The following CPEB2 variants were observed in gnomAD, a reference collection of about 807,000 sequenced individuals.
CPEB2 encodes cytoplasmic polyadenylation element-binding protein 2.
CPEB2 carries 56 observed loss-of-function variants against 93.6 expected under a neutral mutation model. That is an observed-to-expected ratio of 0.60 (90% CI 0.48 to 0.75). The LOEUF (loss-of-function observed/expected upper bound fraction) is 0.75. Ranked by LOEUF, CPEB2 falls within the 30% of genes least tolerant of loss-of-function variation. The pLI is 0.00. For synonymous variants in CPEB2, 764 were observed against 586.3 expected (o/e 1.30, Z -4.38); for missense variants, 1,579 against 1,395.1 (o/e 1.13, Z -2.10).
chr4:15,019,948 A>G (rs1347780066), intron 4 of CPEB2, among the ~76,000 whole-genome samples: 1 of 152,058 alleles, frequency 6.6e-6, no homozygotes, highest in Non-Finnish European at 1.5e-5. Flanking sequence ...AGGATATCTC[A>G]TGAAGTAGCA....
intron 4 of CPEB2, among the ~76,000 whole-genome samples, chr4:15,032,823 T>G (rs963999196): frequency 7.9e-5 from 12 of 152,144 alleles, no homozygotes; most frequent in African/African-American, 2.9e-4. Context: ...ATTTAAAAAT[T>G]CACATTTCAT....
intron 4 of CPEB2, among the ~76,000 whole-genome samples, chr4:15,030,014 T>G (rs191556036): frequency 9.9e-5 from 15 of 152,178 alleles, no homozygotes; most frequent in Admixed American, 8.5e-4. Flanking sequence ...GGTTTTTTGT[T>G]TTTTACTCTG....
chr4:15,025,424 A>G (rs796489398), intron 4 of CPEB2, among the ~76,000 whole-genome samples: 4 of 151,878 alleles, frequency 2.6e-5, no homozygotes, highest in African/African-American at 7.2e-5. Flanking sequence ...TTTACTGTCT[A>G]TTCATATTTA....
At chr4:15,056,035 A>G (rs1728686014) in intron 8 of CPEB2, among the ~76,000 whole-genome samples, 1 of 152,142 alleles carries the variant, frequency 6.6e-6, no homozygotes, top group Non-Finnish European at 1.5e-5. Context: ...CATTTTTACA[A>G]CTTTAAACAT....
intron 3 of CPEB2, among the ~76,000 whole-genome samples, chr4:15,012,694 A>G (rs1723646118): frequency 1.3e-5 from 2 of 152,256 alleles, no homozygotes; most frequent in Admixed American, 6.5e-5. Context: ...TATTAGCACT[A>G]CATTGCTTTA....
chr4:15,066,348 C>A lies in CPEB2; in HGVS notation c.3073C>A (p.Arg1025Ser). The change falls in exon 12 of 12, where the codon CGC (arginine) becomes AGC (serine). Residue 1025 changes from arginine to serine, a missense_variant. Physicochemically the swap from Arg to Ser is moderately radical, Grantham distance 110. Transcript: ENST00000538197. ...GCCATTGGTAAAGGAAGGTGCTGAT[C>A]GCCCACGTCAGATCCACTTCCGCTG... ...HKPLVKEGAD[R>S]PRQIHFRWN 6.2e-7 allele frequency: 1 copy of A among 1,611,134 alleles called. No homozygotes were observed. Among genetic ancestry groups the A allele is most frequent in the Non-Finnish European group, 8.5e-7 (1 of 1,178,358 alleles).
intron 9 of CPEB2, 98 bp from the exon 10 acceptor site, chr4:15,059,089 A>T: frequency 1.6e-6 from 1 of 617,130 alleles, no homozygotes; most frequent in Non-Finnish European, 2.8e-6. Context: ...ACAAATTTTT[A>T]AGCAATAAAA....
Position 15,004,254 on chromosome 4 carries a change from C to T in CPEB2, c.1581C>T (p.Pro527=), listed in dbSNP as rs1198988713. ...AGCAGCCGCAGAGCCGGAGGTCGCC[C>T]GTCAGCCCGCAGCTCCAGCAGCAGC... ...APQQPQSRRS[P]VSPQLQQQHQ... is the part of the protein sequence containing the mutation. The change falls in exon 1 of 12, where the codon CCC becomes CCT. Residue 527 remains proline (P), a synonymous_variant. Transcript: ENST00000538197. 16 of 1,494,350 alleles carry T rather than the reference C, an allele frequency of 1.1e-5. No individual in the cohort carries two copies. The highest frequency in any genetic ancestry group is 1.8e-6 in the Non-Finnish European group (2 of 1,129,194). The allele number at this position is 1,494,350 out of a possible 1,614,324, so 92.6% of individuals were successfully genotyped here. A position where few individuals can be genotyped will look rare whatever the true frequency, so the allele number is the denominator to read the frequency against.
At chr4:15,031,877 A>G (rs558747705) in intron 4 of CPEB2, among the ~76,000 whole-genome samples, 1 of 152,120 alleles carries the variant, frequency 6.6e-6, no homozygotes, top group East Asian at 1.9e-4. Context: ...TCCATCTTAC[A>G]TGTGGGCCTG....
chr4:15,002,671 T>C lies in CPEB2; in HGVS notation c.-3T>C. 1 of 1,490,566 alleles carries C rather than the reference T, an allele frequency of 6.7e-7. No individual in the cohort carries two copies. 92.3% of individuals were successfully genotyped at this position (1,490,566 alleles called of 1,614,324 possible). On this transcript the variant is annotated 5_prime_UTR_variant, in exon 1 of 12. Coordinates refer to ENST00000538197, the MANE Select transcript of CPEB2 (RefSeq NM_001177382.2). ...TCTCCTCCCGCTGCCGGCGGCCTGATAAATGAGGGATTTCGGGTTTGGGGT... is the reference window on the plus strand; with the variant it reads ...TCTCCTCCCGCTGCCGGCGGCCTGACAAATGAGGGATTTCGGGTTTGGGGT...
At chr4:15,060,343 T>G (rs1729074555) in intron 10 of CPEB2, among the ~76,000 whole-genome samples, 1 of 152,176 alleles carries the variant, frequency 6.6e-6, no homozygotes, top group South Asian at 2.1e-4. Flanking sequence ...TCATTATCTT[T>G]GCAGTTTTCA....
In CPEB2 at chr4:15,050,000, T is replaced by G. The variant is rs115900539; in HGVS notation, c.2201-2414T>G. 6.7e-3 allele frequency among the ~76,000 whole-genome samples: 1,016 copies of G among 152,304 alleles called. 12 individuals carry two copies. The highest frequency in any genetic ancestry group is 0.023 in the African/African-American group (956 of 41,556). ...TCATGTGTCATATTGTTCAAGATGT[T>G]CTATGGCATGTGATTTAATATATAA... On this transcript the variant is annotated intron_variant, in intron 6 of 11. Transcript: ENST00000538197.
At chr4:15,050,161 G>C (rs1408481066) in intron 6 of CPEB2, among the ~76,000 whole-genome samples, 1 of 152,220 alleles carries the variant, frequency 6.6e-6, no homozygotes, top group African/African-American at 2.4e-5. Context: ...TGGAGGGCAA[G>C]TGAGCATTGC....
intron 8 of CPEB2, among the ~76,000 whole-genome samples, chr4:15,055,306 C>G (rs1450885783): frequency 6.6e-6 from 1 of 152,094 alleles, no homozygotes; most frequent in Non-Finnish European, 1.5e-5. Context: ...CTGATTAAAG[C>G]TATCTACCTC....
chr4:15,036,269 C>G (rs1440578735), intron 5 of CPEB2, among the ~76,000 whole-genome samples: 1 of 152,118 alleles, frequency 6.6e-6, no homozygotes, highest in Non-Finnish European at 1.5e-5. Flanking sequence ...ATAAATATAA[C>G]TACAAGCAGT....
At chr4:15,054,620 A>G (rs903616070) in intron 8 of CPEB2, among the ~76,000 whole-genome samples, 5 of 151,822 alleles carry the variant, frequency 3.3e-5, no homozygotes, top group South Asian at 4.1e-4. Context: ...TTTTTTTTCA[A>G]TTATATAAAG....
chr4:15,043,041 G>C (rs534097992), intron 6 of CPEB2, among the ~76,000 whole-genome samples: 1 of 152,238 alleles, frequency 6.6e-6, no homozygotes, highest in East Asian at 1.9e-4. Context: ...GTGCAATAAT[G>C]GGTGAACAGT....
At chr4:15,064,111 ACTTT>A (rs781030062) in intron 11 of CPEB2, among the ~76,000 whole-genome samples, 2 of 152,098 alleles carry the variant, frequency 1.3e-5, no homozygotes, top group Non-Finnish European at 2.9e-5. Context: ...ATTCCACTTA[ACTTT>A]TTAGACTCAT....
chr4:15,034,204 G>A (rs755846980), intron 5 of CPEB2, among the ~76,000 whole-genome samples: 14 of 152,120 alleles, frequency 9.2e-5, no homozygotes, highest in Admixed American at 2.6e-4. Context: ...GTTGTCTAGC[G>A]CATGCCAGTC....
Sources: gnomAD v4.1 joint callset for allele counts (sites outside exome capture counted in the v4.1 genomes callset) on GRCh38, gnomAD v4.1.1 for gene constraint, MANE v1.5 for transcripts, NCBI Gene and HGNC (gene_info 2026-07-23, HGNC 2026-07-21) for gene names.